The following ADAMTSL3 variants were observed in gnomAD, a reference collection of about 807,000 sequenced individuals.
The protein encoded by ADAMTSL3 is ADAMTS like 3.
ADAMTSL3 carries 128 observed loss-of-function variants against 201.7 expected under a neutral mutation model. The observed-to-expected ratio is 0.63, with a 90% CI of 0.55 to 0.73. The LOEUF is 0.73. Among genes scored for constraint, ADAMTSL3 ranks in the 30% least tolerant of loss-of-function variants. The pLI is 0.00. For synonymous variants in ADAMTSL3, 738 were observed against 748.4 expected, an observed-to-expected ratio of 0.99 and a Z score of 0.23; for missense variants, 1,990 against 2,119.6, an observed-to-expected ratio of 0.94 and a Z score of 1.20.
chr15:83,802,172 A>G (rs1596236823), intron 4 of ADAMTSL3, among the ~76,000 whole-genome samples: 1 of 152,330 alleles, frequency 6.6e-6, no homozygotes, highest in Admixed American at 6.5e-5. Flanking sequence ...CTAATTAAAT[A>G]ATACTTAACC....
At chr15:83,865,301 C>T (rs2064951591) in intron 8 of ADAMTSL3, among the ~76,000 whole-genome samples, 1 of 152,148 alleles carries the variant, frequency 6.6e-6, no homozygotes, top group Non-Finnish European at 1.5e-5. Context: ...GCCCACATTG[C>T]CAAGTCAATC....
chr15:83,883,836 G>A (rs1346351534), intron 9 of ADAMTSL3, among the ~76,000 whole-genome samples: 1 of 151,834 alleles, frequency 6.6e-6, no homozygotes, highest in Non-Finnish European at 1.5e-5. Flanking sequence ...AAAGTGCTAG[G>A]ATTACAGGTG....
At chr15:83,994,521 A>G (rs1279512440) in intron 23 of ADAMTSL3, among the ~76,000 whole-genome samples, 1 of 151,444 alleles carries the variant, frequency 6.6e-6, no homozygotes, top group East Asian at 1.9e-4. Context: ...TAAACAGATC[A>G]TCACAGGTTG....
intron 25 of ADAMTSL3, among the ~76,000 whole-genome samples, chr15:84,018,196 G>A (rs1268235370): frequency 1.3e-5 from 2 of 152,274 alleles, no homozygotes; most frequent in African/African-American, 4.8e-5. Flanking sequence ...GCATTGTTCT[G>A]CCACCTCCTA....
chr15:83,801,080 A>C (rs1370911210), intron 4 of ADAMTSL3, among the ~76,000 whole-genome samples: 1 of 152,156 alleles, frequency 6.6e-6, no homozygotes, highest in Non-Finnish European at 1.5e-5. Flanking sequence ...TTGAATGTTT[A>C]AAATTTGACG....
chr15:83,943,683 TAGC>T (rs1402083877), intron 19 of ADAMTSL3, among the ~76,000 whole-genome samples: 2 of 152,240 alleles, frequency 1.3e-5, no homozygotes, highest in Non-Finnish European at 2.9e-5. Context: ...GCTGGAAAAG[TAGC>T]AGAATCCACT....
intron 9 of ADAMTSL3, among the ~76,000 whole-genome samples, chr15:83,879,934 G>A (rs993244966): frequency 2.0e-5 from 3 of 152,064 alleles, no homozygotes; most frequent in African/African-American, 7.2e-5. Context: ...ATTATAAAAC[G>A]TTTCTTTCAG....
At chr15:83,669,453 GTTTTTTTTTTTTTT>G (rs71156089) in intron 2 of ADAMTSL3, among the ~76,000 whole-genome samples, 6 of 56,924 alleles carry the variant, frequency 1.1e-4, no homozygotes, top group Non-Finnish European at 1.2e-4. Flanking sequence ...CGGGAGTGAG[GTTTTTTTTTTTTTT>G]TTTTTTTTTT....
chr15:83,693,809 A>C (rs1247867508), intron 2 of ADAMTSL3, among the ~76,000 whole-genome samples: 1 of 152,218 alleles, frequency 6.6e-6, no homozygotes, highest in Non-Finnish European at 1.5e-5. Flanking sequence ...TTGAACTCTC[A>C]GTAGCAAAAA....
At chr15:83,735,569 A>C (rs190446588) in intron 3 of ADAMTSL3, among the ~76,000 whole-genome samples, 4,155 of 99,716 alleles carry the variant, frequency 0.042, 182 homozygotes, top group African/African-American at 0.1. Flanking sequence ...CGTTTTAAGT[A>C]TTTATAAGGT....
chr15:83,831,162 G>C (rs558661635), intron 6 of ADAMTSL3, among the ~76,000 whole-genome samples: 36 of 152,194 alleles, frequency 2.4e-4, no homozygotes, highest in African/African-American at 8.4e-4. Context: ...CTATCTCTAT[G>C]TTTTCCCCTC....
At chr15:83,735,794 A>G (rs1567108865) in intron 3 of ADAMTSL3, among the ~76,000 whole-genome samples, 2 of 152,122 alleles carry the variant, frequency 1.3e-5, no homozygotes, top group Admixed American at 6.6e-5. Flanking sequence ...ACAAAAGAGG[A>G]AGCCCCACGT....
chr15:83,985,152 T>C (rs992472560), intron 21 of ADAMTSL3, among the ~76,000 whole-genome samples: 4 of 152,106 alleles, frequency 2.6e-5, no homozygotes, highest in African/African-American at 4.8e-5. Context: ...CACTGAGTGA[T>C]ACAGGCCTTC....
At chr15:83,725,870 A>G (rs541338304) in intron 3 of ADAMTSL3, among the ~76,000 whole-genome samples, 2 of 152,224 alleles carry the variant, frequency 1.3e-5, no homozygotes, top group East Asian at 3.9e-4. Context: ...AGCTTTGGCT[A>G]TTCTGGGTCT....
chr15:83,885,702 G>A (rs1001997423), intron 10 of ADAMTSL3, among the ~76,000 whole-genome samples: 1 of 151,638 alleles, frequency 6.6e-6, no homozygotes, highest in Non-Finnish European at 1.5e-5. Context: ...GTGTTAAGGG[G>A]AAAGCCCTGC....
chr15:83,798,176 T>G (rs914208188), intron 4 of ADAMTSL3, among the ~76,000 whole-genome samples: 1 of 152,184 alleles, frequency 6.6e-6, no homozygotes, highest in Non-Finnish European at 1.5e-5. Context: ...GATGTAGTAT[T>G]TGCTTAACTT....
chr15:83,732,581 A>G (rs1321347523), intron 3 of ADAMTSL3, among the ~76,000 whole-genome samples: 1 of 152,158 alleles, frequency 6.6e-6, no homozygotes, highest in African/African-American at 2.4e-5. Flanking sequence ...ACATTTATTA[A>G]TGAATTTGGA....
At chr15:83,728,449 T>C (rs761611063) in intron 3 of ADAMTSL3, among the ~76,000 whole-genome samples, 1 of 151,882 alleles carries the variant, frequency 6.6e-6, no homozygotes, top group Non-Finnish European at 1.5e-5. Context: ...ATTTTCTTTT[T>C]AGTGAGGGTG....
intron 3 of ADAMTSL3, among the ~76,000 whole-genome samples, chr15:83,735,876 C>T (rs2062362618): frequency 6.6e-6 from 1 of 151,954 alleles, no homozygotes; most frequent in African/African-American, 2.4e-5. Context: ...CTGAAAATGC[C>T]CCAGTCTCTG....
Sources: gnomAD v4.1 joint callset for allele counts (sites outside exome capture counted in the v4.1 genomes callset) on GRCh38, gnomAD v4.1.1 for gene constraint, MANE v1.5 for transcripts, NCBI Gene and HGNC (gene_info 2026-07-23, HGNC 2026-07-21) for gene names.